The following IREB2 variants were observed in gnomAD, a reference collection of about 807,000 sequenced individuals.
The protein encoded by IREB2 is iron-responsive element-binding protein 2.
Under a neutral mutation model 118.8 loss-of-function variants are expected in IREB2, and 39 were observed. The observed-to-expected ratio is 0.33, with a 90% CI of 0.25 to 0.43. The LOEUF (loss-of-function observed/expected upper bound fraction) is 0.43, where lower values mean the gene tolerates loss of function less well. Ranked by LOEUF, IREB2 falls within the 20% of genes least tolerant of loss-of-function variation. IREB2 has a pLI of 1.00. For missense variants in IREB2, 900 were observed against 1,147.3 expected, an observed-to-expected ratio of 0.78 and a Z score of 3.11; for synonymous variants, 372 against 392.2, an observed-to-expected ratio of 0.95 and a Z score of 0.61.
chr15:78,485,202 C>A (rs2051639293), intron 12 of IREB2, among the ~76,000 whole-genome samples: 1 of 152,130 alleles, frequency 6.6e-6, no homozygotes. Flanking sequence ...GCAGGTATTT[C>A]TTGATTATCT....
chr15:78,478,631 G>T (rs1012343502), intron 10 of IREB2, among the ~76,000 whole-genome samples: 2 of 152,196 alleles, frequency 1.3e-5, no homozygotes, highest in African/African-American at 2.4e-5. Flanking sequence ...GAGCCTGTGG[G>T]GCGAAAGAAA....
intron 9 of IREB2, among the ~76,000 whole-genome samples, chr15:78,478,029 C>G (rs1435091721): frequency 4.0e-5 from 6 of 150,830 alleles, no homozygotes; most frequent in Admixed American, 2.6e-4. Context: ...CGAAACCAAC[C>G]TATTCAAAAA....
rs1010782162 is a variant in IREB2 at position 78,478,329 on chromosome 15, A to G, written c.1228A>G (p.Thr410Ala). The change falls in exon 10 of 22, where the codon ACA becomes GCA. Residue 410 changes from threonine (T) to alanine (A), a missense_variant. By Grantham distance (58) the Thr-to-Ala change is moderately conservative. Coordinates refer to ENST00000258886, the MANE Select transcript of IREB2 (RefSeq NM_004136.4). The stretch of plus-strand genomic sequence containing the variant: ...CAAAGCCAAACTCGAATCAATGGAA[A>G]CATACCTTAAAGCTGTGAAATTGTT... ...FSKAKLESME[T>A]YLKAVKLFRN... The G allele has an allele frequency of 7.4e-6, 12 of 1,613,686 alleles. No individual in the cohort carries two copies. The highest frequency in any genetic ancestry group is 9.3e-6 in the Non-Finnish European group (11 of 1,179,596).
intron 18 of IREB2, among the ~76,000 whole-genome samples, chr15:78,493,298 A>C (rs149557902): frequency 6.6e-6 from 1 of 152,160 alleles, no homozygotes; most frequent in South Asian, 2.1e-4. Context: ...TGTATACCCA[A>C]ATCCACACAT....
chr15:78,437,918 C>A (rs530450756), upstream of IREB2, among the ~76,000 whole-genome samples: 3 of 152,362 alleles, frequency 2.0e-5, no homozygotes, highest in South Asian at 4.1e-4. Context: ...CCAACAGACA[C>A]CTTGCGGGAA....
Position 78,465,333 on chromosome 15 carries a change from G to A in IREB2, c.355G>A (p.Ala119Thr). ...LGGDPEKVHP[A>T]CPTDLTVDHS... ...AGGTGATCCTGAGAAAGTCCATCCT[G>A]CTTGTCCGACAGATCTTACAGTTGA... The change falls in exon 4 of 22, where the codon GCT (alanine) becomes ACT (threonine). Residue 119 changes from alanine to threonine, a missense_variant. Transcript: ENST00000258886. 1 of 1,613,804 alleles carries A rather than the reference G, an allele frequency of 6.2e-7. No individual in the cohort carries two copies. Among genetic ancestry groups the A allele is most frequent in the South Asian group, 1.1e-5 (1 of 91,042 alleles).
At chr15:78,471,463 T>C (rs1243366861) in intron 6 of IREB2, among the ~76,000 whole-genome samples, 3 of 152,224 alleles carry the variant, frequency 2.0e-5, no homozygotes, top group African/African-American at 7.2e-5. Context: ...ATTGAGCCTT[T>C]CTTCCTTCTC....
At chr15:78,479,417 G>C (rs1453586011) in intron 10 of IREB2, among the ~76,000 whole-genome samples, 6 of 138,166 alleles carry the variant, frequency 4.3e-5, no homozygotes, top group Non-Finnish European at 9.1e-5. Context: ...TTTTTTTTTG[G>C]TAGAGAGAGG....
chr15:78,471,578 T>C (rs373473271), intron 6 of IREB2, among the ~76,000 whole-genome samples, 163 bp from the exon 7 acceptor site: 1 of 152,264 alleles, frequency 6.6e-6, no homozygotes, highest in Non-Finnish European at 1.5e-5. Flanking sequence ...AAAATACATT[T>C]AGGTTCAGTA....
intron 5 of IREB2, among the ~76,000 whole-genome samples, chr15:78,469,046 G>C (rs2051331263): frequency 6.6e-6 from 1 of 152,122 alleles, no homozygotes; most frequent in African/African-American, 2.4e-5. Context: ...CCAATCTGCT[G>C]TAACATTTCC....
intron 5 of IREB2, among the ~76,000 whole-genome samples, chr15:78,468,505 A>G (rs1260726570): frequency 6.6e-6 from 1 of 150,974 alleles, no homozygotes; most frequent in Non-Finnish European, 1.5e-5. Flanking sequence ...TGGCCTCGCA[A>G]AGTGCTGGGA....
In IREB2 at chr15:78,446,119, C is replaced by T. The variant is rs2050924530; in HGVS notation, c.106+6238C>T. On this transcript the variant is annotated intron_variant, in intron 2 of 21. Coordinates refer to ENST00000258886, the MANE Select transcript of IREB2 (RefSeq NM_004136.4). ...TTTAACCTATTTTGACTGCACTTGTCAGGAGTCTATTGCCGGTCTGGTGAT... is the reference window on the plus strand; with the variant it reads ...TTTAACCTATTTTGACTGCACTTGTTAGGAGTCTATTGCCGGTCTGGTGAT... Among the ~76,000 whole-genome samples the T allele has an allele frequency of 2.0e-5, 3 of 152,162 alleles. No individual in the cohort carries two copies. In the South Asian group the frequency reaches 6.2e-4, roughly 32 times the overall value.
At chr15:78,472,731 C>T (rs948727180) in intron 7 of IREB2, among the ~76,000 whole-genome samples, 1 of 152,292 alleles carries the variant, frequency 6.6e-6, no homozygotes, top group African/African-American at 2.4e-5. Flanking sequence ...TGCTTTCTGC[C>T]GACCGTGACT....
chr15:78,451,089 C>T (rs1368396539), intron 2 of IREB2, among the ~76,000 whole-genome samples: 10 of 151,902 alleles, frequency 6.6e-5, no homozygotes, highest in African/African-American at 2.4e-4. Context: ...CTCAACCTCC[C>T]GAGTAGCTGG....
At chr15:78,497,008 T>G (rs1465914755) in intron 20 of IREB2, 118 bp from the exon 21 acceptor site, 18 of 677,598 alleles carry the variant, frequency 2.7e-5, no homozygotes, top group Non-Finnish European at 3.1e-5. Flanking sequence ...TGATTCAGTA[T>G]GAGATATTAG....
chr15:78,446,134 G>A (rs1455839496), intron 2 of IREB2, among the ~76,000 whole-genome samples: 1 of 152,086 alleles, frequency 6.6e-6, no homozygotes, highest in South Asian at 2.1e-4. Context: ...GTCTATTGCC[G>A]GTCTGGTGAT....
At chr15:78,456,029 A>G (rs1298981474) in intron 2 of IREB2, among the ~76,000 whole-genome samples, 1 of 152,070 alleles carries the variant, frequency 6.6e-6, no homozygotes, top group Non-Finnish European at 1.5e-5. Flanking sequence ...TTCACCGAGT[A>G]ATCTAAGAGA....
In IREB2 at chr15:78,478,391, C is replaced by T; in HGVS notation, c.1290C>T (p.Tyr430=). The change falls in exon 10 of 22, where the codon TAC becomes TAT. Residue 430 remains tyrosine (Y), a synonymous_variant. Coordinates refer to ENST00000258886, the MANE Select transcript of IREB2 (RefSeq NM_004136.4). ...NDQNSSGEPE[Y]SQVIQINLNS... ...AGAATTCTTCAGGAGAACCTGAATA[C>T]TCCCAGGTATATGCAGAATAACCCA... 3.8e-6 allele frequency: 6 copies of T among 1,563,270 alleles called. No homozygotes were observed. Among genetic ancestry groups the T allele is most frequent in the Non-Finnish European group, 4.4e-6 (5 of 1,133,748 alleles).
chr15:78,444,477 A>T (rs1224804912), intron 2 of IREB2, among the ~76,000 whole-genome samples: 2 of 151,916 alleles, frequency 1.3e-5, no homozygotes, highest in Non-Finnish European at 2.9e-5. Context: ...AGGTCATCTT[A>T]TTCACCCTTT....
Sources: allele counts gnomAD v4.1 joint callset (sites outside exome capture counted in the v4.1 genomes callset), GRCh38; gene constraint gnomAD v4.1.1; transcripts MANE v1.5; gene names NCBI Gene and HGNC (gene_info 2026-07-23, HGNC 2026-07-21).